Variants in AKT3 observed in about 807,000 individuals in gnomAD.
AKT3 encodes RAC-gamma serine/threonine-protein kinase.
AKT3 carries 15 observed loss-of-function variants against 65.3 expected under a neutral mutation model. That is an observed-to-expected ratio of 0.23 (90% CI 0.15 to 0.35). The LOEUF (loss-of-function observed/expected upper bound fraction) is 0.35. Among genes scored for constraint, AKT3 ranks in the 10% least tolerant of loss-of-function variants. The probability of loss-of-function intolerance (pLI) is 1.00; values close to 1 mark genes in which losing one functional copy is unlikely to be tolerated. For missense variants in AKT3, 243 were observed against 576.5 expected, an observed-to-expected ratio of 0.42 and a Z score of 5.92; for synonymous variants, 206 against 183.8, an observed-to-expected ratio of 1.12 and a Z score of -0.98.
chr1:243,744,546 C>T (rs1006373324), intron 2 of AKT3, among the ~76,000 whole-genome samples: 10 of 151,580 alleles, frequency 6.6e-5, no homozygotes, highest in Admixed American at 2.0e-4. Context: ...GAGACCATCC[C>T]GGCTAAAACG....
intron 8 of AKT3, among the ~76,000 whole-genome samples, chr1:243,583,221 T>C (rs537243718): frequency 5.9e-4 from 84 of 142,772 alleles, no homozygotes; most frequent in Admixed American, 1.3e-3. Flanking sequence ...CACATATATC[T>C]TCCATATATA....
At position 243,513,764 on chromosome 1, in the gene AKT3, C is replaced by G. The variant is rs532650244; in HGVS notation, c.1252-1338G>C. 2.6e-5 allele frequency among the ~76,000 whole-genome samples: 4 copies of G among 152,330 alleles called. No homozygotes were observed. In the East Asian group the frequency reaches 7.7e-4, roughly 29 times the overall value. On this transcript the variant is annotated intron_variant, in intron 12 of 13. Coordinates refer to ENST00000673466, the MANE Select transcript of AKT3 (RefSeq NM_005465.7). ...ACCAACTCTACGTTCCACTGATCAGCTGGTAATGGCGACTAATCCCTAAAC... is the reference window on the plus strand; with the variant it reads ...ACCAACTCTACGTTCCACTGATCAGGTGGTAATGGCGACTAATCCCTAAAC...
chr1:243,720,190 T>C (rs1686789672), intron 2 of AKT3, among the ~76,000 whole-genome samples: 1 of 151,754 alleles, frequency 6.6e-6, no homozygotes, highest in African/African-American at 2.4e-5. Context: ...TCCCAGCAAC[T>C]CGGGAGGCTG....
intron 13 of AKT3, among the ~76,000 whole-genome samples, chr1:243,510,203 G>A (rs559283390): frequency 6.6e-6 from 1 of 152,132 alleles, no homozygotes; most frequent in Non-Finnish European, 1.5e-5. Context: ...ATTCAGAGGG[G>A]AGGCAAGCCT....
chr1:243,496,319 G>A (rs1015898497), downstream of AKT3, among the ~76,000 whole-genome samples: 1 of 152,194 alleles, frequency 6.6e-6, no homozygotes, highest in Admixed American at 6.5e-5. Context: ...TGGCCCCGGT[G>A]CCCAGAACAC....
chr1:243,503,931 T>G lies in AKT3; in HGVS notation c.*1318A>C, dbSNP rs1489972217. The G allele has an allele frequency of 4.4e-6, 1 of 226,340 alleles. No individual in the cohort carries two copies. The highest frequency in any genetic ancestry group is 2.2e-5 in the African/African-American group (1 of 45,010). The allele number at this position is 226,340 out of a possible 1,614,324, so 14.0% of individuals were successfully genotyped here. On this transcript the variant is annotated 3_prime_UTR_variant, in exon 14 of 14. Coordinates refer to ENST00000673466, the MANE Select transcript of AKT3 (RefSeq NM_005465.7). ...CATCATAACGTTTCAAATTCTTAAA[T>G]GAGCAAACGTCAACAGCTATTTGTT...
rs866599230 is a variant in AKT3 at position 243,552,631 on chromosome 1, A to C, written c.1163+98T>G. 109 of 1,090,160 alleles carry C rather than the reference A, an allele frequency of 1.0e-4. 1 individual carries two copies. In the South Asian group the frequency reaches 1.3e-3, roughly 13 times the overall value. The allele number at this position is 1,090,160 out of a possible 1,614,324, so 67.5% of individuals were successfully genotyped here. Reference sequence around the variant, plus strand: ...CAGTGGGAAGATGTCTACACCAAATACATTGCTTCTTGGAGTTAGTTATAT... The same window carrying C: ...CAGTGGGAAGATGTCTACACCAAATCCATTGCTTCTTGGAGTTAGTTATAT... On this transcript the variant is annotated intron_variant, in intron 11 of 13. Coordinates refer to ENST00000673466, the MANE Select transcript of AKT3 (RefSeq NM_005465.7).
intron 12 of AKT3, among the ~76,000 whole-genome samples, chr1:243,527,525 T>C (rs190788997): frequency 6.6e-6 from 1 of 152,294 alleles, no homozygotes; most frequent in East Asian, 1.9e-4. Flanking sequence ...GGAACAAGGC[T>C]TTAGCAGTCA....
At chr1:243,629,254 C>A (rs563097858) in intron 6 of AKT3, among the ~76,000 whole-genome samples, 3 of 151,950 alleles carry the variant, frequency 2.0e-5, no homozygotes, top group African/African-American at 4.8e-5. Context: ...CCAGCCTGGG[C>A]AACAAGAGCA....
At chr1:243,845,784 C>A (rs1695495365) in intron 1 of AKT3, among the ~76,000 whole-genome samples, 1 of 151,826 alleles carries the variant, frequency 6.6e-6, no homozygotes, top group Non-Finnish European at 1.5e-5. Context: ...ACAGAATTTA[C>A]CCCCAGATTA....
At chr1:243,627,667 C>G (rs1353558420) in intron 6 of AKT3, among the ~76,000 whole-genome samples, 2 of 152,250 alleles carry the variant, frequency 1.3e-5, no homozygotes, top group African/African-American at 2.4e-5. Context: ...CAGCAAATAC[C>G]CCAGGGTCTA....
In AKT3 at chr1:243,756,460, G is replaced by C. The variant is rs576459450; in HGVS notation, c.47-60744C>G. Among the ~76,000 whole-genome samples the C allele has an allele frequency of 5.3e-5, 8 of 152,092 alleles. No individual in the cohort carries two copies. In the South Asian group the frequency reaches 1.0e-3, roughly 20 times the overall value. On this transcript the variant is annotated intron_variant, in intron 2 of 13. Coordinates refer to ENST00000673466, the MANE Select transcript of AKT3 (RefSeq NM_005465.7). ...GTTAAAGGGCACAGAAGTTTGAAGGGAATCCCGCTGGCCACATCTGAGACA... is the reference window on the plus strand; with the variant it reads ...GTTAAAGGGCACAGAAGTTTGAAGGCAATCCCGCTGGCCACATCTGAGACA...
chr1:243,850,579 G>A (rs1205654367), upstream of AKT3, among the ~76,000 whole-genome samples: 11 of 149,650 alleles, frequency 7.4e-5, no homozygotes, highest in Admixed American at 3.3e-4. Flanking sequence ...GCTCGGGGCC[G>A]CCGCCGATCG....
chr1:243,639,085 G>A (rs1454547080), intron 5 of AKT3, among the ~76,000 whole-genome samples: 2 of 152,122 alleles, frequency 1.3e-5, no homozygotes, highest in Non-Finnish European at 2.9e-5. Context: ...AGAAACGTAA[G>A]AGACTATTAT....
At chr1:243,650,500 G>T (rs1345896731) in intron 4 of AKT3, among the ~76,000 whole-genome samples, 1 of 152,140 alleles carries the variant, frequency 6.6e-6, no homozygotes, top group Non-Finnish European at 1.5e-5. Flanking sequence ...GTCCTGAATG[G>T]TACTGCCTAG....
chr1:243,550,275 A>G (rs1014286881), intron 11 of AKT3, among the ~76,000 whole-genome samples: 7 of 152,196 alleles, frequency 4.6e-5, no homozygotes, highest in Non-Finnish European at 1.0e-4. Flanking sequence ...TGACACATCT[A>G]TTATAAAAGA....
intron 11 of AKT3, among the ~76,000 whole-genome samples, chr1:243,549,293 A>G (rs1160008744): frequency 6.6e-6 from 1 of 152,108 alleles, no homozygotes; most frequent in Non-Finnish European, 1.5e-5. Flanking sequence ...CCTGTCTGTT[A>G]ATCACCCTAG....
intron 10 of AKT3, among the ~76,000 whole-genome samples, chr1:243,558,793 T>C (rs1280829297): frequency 1.3e-5 from 2 of 152,120 alleles, no homozygotes; most frequent in Non-Finnish European, 2.9e-5. Flanking sequence ...TGTGATCACA[T>C]AAGCATGTGA....
intron 6 of AKT3, among the ~76,000 whole-genome samples, chr1:243,630,280 T>C (rs995472173): frequency 6.6e-6 from 1 of 152,156 alleles, no homozygotes; most frequent in African/African-American, 2.4e-5. Flanking sequence ...CTCATTTAAA[T>C]ATCATCAGCT....
Sources: gnomAD v4.1 joint callset for allele counts (sites outside exome capture counted in the v4.1 genomes callset) on GRCh38, gnomAD v4.1.1 for gene constraint, MANE v1.5 for transcripts, NCBI Gene and HGNC (gene_info 2026-07-23, HGNC 2026-07-21) for gene names.